The following SELENOO variants were observed in gnomAD, a reference collection of about 807,000 sequenced individuals.
SELENOO encodes selenoprotein O.
Under a neutral mutation model 58.7 loss-of-function variants are expected in SELENOO, and 74 were observed. The observed-to-expected ratio is 1.26, with a 90% CI of 1.04 to 1.53. The LOEUF (loss-of-function observed/expected upper bound fraction) is 1.53, where lower values mean the gene tolerates loss of function less well. SELENOO is among the 40% of genes most tolerant of loss of function. The pLI, the probability that SELENOO is intolerant of heterozygous loss-of-function variation, is 0.00. For synonymous variants in SELENOO, 543 were observed against 453.2 expected (o/e 1.20, Z -2.52); for missense variants, 1,149 against 970.0 (o/e 1.18, Z -2.45).
intron 5 of SELENOO, among the ~76,000 whole-genome samples, chr22:50,212,356 T>G (rs761543843): frequency 9.9e-5 from 15 of 152,240 alleles, no homozygotes; most frequent in Non-Finnish European, 1.9e-4. Context: ...TGAGTCAGTT[T>G]TGGTAATTTA....
intron 1 of SELENOO, among the ~76,000 whole-genome samples, chr22:50,202,000 A>T (rs910022259): frequency 3.3e-5 from 5 of 151,890 alleles, no homozygotes; most frequent in African/African-American, 1.2e-4. Context: ...GCCCTTTTTA[A>T]CCCCGAAGTG....
In SELENOO at chr22:50,215,824, C is replaced by T. The variant is rs201312273; in HGVS notation, c.1459C>T (p.Leu487=). ...LARLMEQCAS[L]EELRLAFRPQ... is the part of the protein sequence containing the mutation. The stretch of plus-strand genomic sequence containing the variant: ...CAGGCTGATGGAGCAGTGTGCCTCC[C>T]TGGAGGAGCTGAGGCTGGCCTTCCG... The change falls in exon 6 of 9, where the codon CTG becomes TTG. Residue 487 remains leucine, a synonymous_variant. Coordinates refer to ENST00000380903, the MANE Select transcript of SELENOO (RefSeq NM_031454.2). The T allele has an allele frequency of 2.5e-5, 41 of 1,612,122 alleles. No homozygotes were observed. In the African/African-American group the frequency reaches 3.2e-4, roughly 13 times the overall value.
At chr22:50,214,222 G>C (rs1376331338) in intron 5 of SELENOO, among the ~76,000 whole-genome samples, 1 of 152,142 alleles carries the variant, frequency 6.6e-6, no homozygotes, top group Non-Finnish European at 1.5e-5. Flanking sequence ...GCTCACTGCA[G>C]CCTCCACTTC....
Position 50,217,001 on chromosome 22 carries a change from C to G in SELENOO, c.1718C>G (p.Ala573Gly). 1 of 1,611,328 alleles carries G rather than the reference C, an allele frequency of 6.2e-7. No homozygotes were observed. The highest frequency in any genetic ancestry group is 8.5e-7 in the Non-Finnish European group (1 of 1,179,678). ...CGGCTGGACAAGGACCTGGAAGGCG[C>G]TGGGGACGCTGCCGCCTGGCAGGCT... ...RARLDKDLEG[A>G]GDAAAWQAEH... is the part of the protein sequence containing the mutation. Residue 573 changes from alanine to glycine, a missense_variant, in exon 8 of 9, where the codon GCT becomes GGT. Transcript: ENST00000380903.
intron 1 of SELENOO, chr22:50,205,718 T>C (rs1446034698): frequency 6.5e-6 from 1 of 153,312 alleles, no homozygotes; most frequent in Non-Finnish European, 1.5e-5. Context: ...TCGGCAGTTC[T>C]GCAGGACATG....
chr22:50,217,067 T>C lies in SELENOO; in HGVS notation c.1784T>C (p.Val595Ala). The change falls in exon 8 of 9, where the codon GTG becomes GCG. Residue 595 changes from valine to alanine, a missense_variant. Coordinates refer to ENST00000380903, the MANE Select transcript of SELENOO (RefSeq NM_031454.2). Reference sequence around the variant, plus strand: ...ATGCACGCCAACAACCCGAAGTACGTGCTGAGGAACTACATCGCGCAGAAT... The same window carrying C: ...ATGCACGCCAACAACCCGAAGTACGCGCTGAGGAACTACATCGCGCAGAAT... ...RVMHANNPKY[V>A]LRNYIAQNAI... 6.2e-7 allele frequency: 1 copy of C among 1,612,866 alleles called. No homozygotes were observed. The highest frequency in any genetic ancestry group is 2.2e-5 in the East Asian group (1 of 44,878).
At position 50,217,359 on chromosome 22, in the gene SELENOO, G is replaced by A; in HGVS notation, c.2000G>A (p.Sec667Ter). The A allele has an allele frequency of 1.9e-6, 3 of 1,612,758 alleles. No homozygotes were observed. The highest frequency in any genetic ancestry group is 1.7e-6 in the Non-Finnish European group (2 of 1,179,896). The change falls in exon 9 of 9, where the codon TGA (selenocysteine) becomes TAA (stop). Residue 667 changes from selenocysteine to a stop codon, truncating the protein, a stop_gained. Coordinates refer to ENST00000380903, the MANE Select transcript of SELENOO (RefSeq NM_031454.2). LOFTEE classifies it high-confidence loss of function. ...TGGGCAGCAGAACTGTGCGTGACATGATCTTCGTAACGGCCTCGGCACGCT... is the reference window on the plus strand; with the variant it reads ...TGGGCAGCAGAACTGTGCGTGACATAATCTTCGTAACGGCCTCGGCACGCT... ...PLWAAELCVT[U>*]SS
chr22:50,217,202 C>G lies in SELENOO; in HGVS notation c.1846-3C>G. On this transcript the variant is annotated splice_polypyrimidine_tract_variant and splice_region_variant and intron_variant, in intron 8 of 8. Coordinates refer to ENST00000380903, the MANE Select transcript of SELENOO (RefSeq NM_031454.2). Reference sequence around the variant, plus strand: ...GACCCCTCTCACCCTCCTGATCCTCCAGGTGCGGCGGGTGCTGAAACTACT... The same window carrying G: ...GACCCCTCTCACCCTCCTGATCCTCGAGGTGCGGCGGGTGCTGAAACTACT... The G allele has an allele frequency of 6.2e-7, 1 of 1,612,084 alleles. No homozygotes were observed. Among genetic ancestry groups the G allele is most frequent in the Non-Finnish European group, 8.5e-7 (1 of 1,179,270 alleles).
At position 50,208,746 on chromosome 22, in the gene SELENOO, C is replaced by T. The variant is rs369748587; in HGVS notation, c.939+30C>T. ...GTGGGCCGCACGCCACCCCTCCCTGCGGGTGGATGCTGGGTGTCCCCACCT... is the reference window on the plus strand; with the variant it reads ...GTGGGCCGCACGCCACCCCTCCCTGTGGGTGGATGCTGGGTGTCCCCACCT... On this transcript the variant is annotated intron_variant, in intron 3 of 8. Coordinates refer to ENST00000380903, the MANE Select transcript of SELENOO (RefSeq NM_031454.2). 37 of 1,591,198 alleles carry T rather than the reference C, an allele frequency of 2.3e-5. No individual in the cohort carries two copies. The Middle Eastern group carries it at 5.0e-4, about 21-fold the overall frequency.
rs138848753 is a variant in SELENOO at position 50,212,665 on chromosome 22, G to C, written c.1351+1754G>C. ...CACTCCGCTCCGAGTCTGTGAACCTGACTGCTCTAAACCCTTCATGTAAGT... is the reference window on the plus strand; with the variant it reads ...CACTCCGCTCCGAGTCTGTGAACCTCACTGCTCTAAACCCTTCATGTAAGT... On this transcript the variant is annotated intron_variant, in intron 5 of 8. Coordinates refer to ENST00000380903, the MANE Select transcript of SELENOO (RefSeq NM_031454.2). 5.3e-5 allele frequency among the ~76,000 whole-genome samples: 8 copies of C among 150,242 alleles called. No individual in the cohort carries two copies. In the East Asian group the frequency reaches 1.6e-3, roughly 29 times the overall value.
In SELENOO at chr22:50,201,296, C is replaced by G. The variant is rs1485591090; in HGVS notation, c.260C>G (p.Pro87Arg). The change falls in exon 1 of 9, where the codon CCC becomes CGC. Residue 87 changes from proline to arginine, a missense_variant. Coordinates refer to ENST00000380903, the MANE Select transcript of SELENOO (RefSeq NM_031454.2). ...VPGACFTRVQ[P>R]TPLRQPRLVA... is the part of the protein sequence containing the mutation. ...GGGGCCTGCTTCACCCGCGTGCAGC[C>G]CACCCCGCTGCGGCAGCCGCGCCTC... The G allele has an allele frequency of 5.5e-6, 6 of 1,096,174 alleles. No individual in the cohort carries two copies. In the Admixed American group the frequency reaches 1.5e-4, roughly 28 times the overall value. The allele number at this position is 1,096,174 out of a possible 1,614,324, so 67.9% of individuals were successfully genotyped here. A position where few individuals can be genotyped will look rare whatever the true frequency, so the allele number is the denominator to read the frequency against.
chr22:50,209,754 G>A (rs191761386), intron 3 of SELENOO, among the ~76,000 whole-genome samples: 7 of 152,214 alleles, frequency 4.6e-5, no homozygotes, highest in African/African-American at 1.4e-4. Flanking sequence ...TATTCTCAAG[G>A]TTACCGGTGC....
At chr22:50,205,825 C>T (rs1017131376) in intron 1 of SELENOO, 3 of 169,206 alleles carry the variant, frequency 1.8e-5, no homozygotes, top group Non-Finnish European at 3.8e-5. Flanking sequence ...CTGTCGGAGC[C>T]TCGGGCGGGT....
At chr22:50,215,953 CAG>C in intron 6 of SELENOO, 86 bp downstream of exon 6, 1 of 1,293,092 alleles carries the variant, frequency 7.7e-7, no homozygotes, top group Non-Finnish European at 1.1e-6. Context: ...AAGCTAGAGA[CAG>C]AGCTGGCTGG....
At position 50,217,048 on chromosome 22, in the gene SELENOO, G is replaced by A. The variant is rs570812157; in HGVS notation, c.1765G>A (p.Ala589Thr). The A allele has an allele frequency of 6.9e-5, 112 of 1,612,506 alleles. No individual in the cohort carries two copies. The highest frequency in any genetic ancestry group is 4.1e-4 in the South Asian group (37 of 91,092). Residue 589 changes from alanine to threonine, a missense_variant, in exon 8 of 9, where the codon GCC becomes ACC. Coordinates refer to ENST00000380903, the MANE Select transcript of SELENOO (RefSeq NM_031454.2). ...WQAEHVRVMH[A>T]NNPKYVLRNY... is the part of the protein sequence containing the mutation. ...GGCTGAGCACGTGCGCGTGATGCAC[G>A]CCAACAACCCGAAGTACGTGCTGAG...
At chr22:50,207,637 C>T (rs534180360) in intron 2 of SELENOO, among the ~76,000 whole-genome samples, 10 of 150,986 alleles carry the variant, frequency 6.6e-5, no homozygotes, top group East Asian at 2.0e-4. Flanking sequence ...CCCCGCCCAG[C>T]GGCAATGCTG....
chr22:50,204,824 G>A (rs1378438500), intron 1 of SELENOO, among the ~76,000 whole-genome samples: 1 of 152,212 alleles, frequency 6.6e-6, no homozygotes, highest in African/African-American at 2.4e-5. Context: ...TTTGTATACC[G>A]ATATTCATGG....
rs774020716 is a variant in SELENOO at position 50,216,690 on chromosome 22, G to A, written c.1503-1G>A. 14 of 1,584,844 alleles carry A rather than the reference G, an allele frequency of 8.8e-6. No individual in the cohort carries two copies. Among genetic ancestry groups the A allele is most frequent in the Non-Finnish European group, 1.1e-5 (13 of 1,169,772 alleles). On this transcript the variant is annotated splice_acceptor_variant, in intron 6 of 8. Transcript: ENST00000380903. LOFTEE classifies it high-confidence loss of function. ...TCCCAGACACCCTGGCCTCTCCACA[G>A]GCAGCTATCCATGATGCTGATGCTG...
intron 1 of SELENOO, among the ~76,000 whole-genome samples, chr22:50,204,797 A>G (rs1400360576): frequency 2.0e-5 from 3 of 152,266 alleles, no homozygotes; most frequent in Non-Finnish European, 4.4e-5. Flanking sequence ...TATATCCCCA[A>G]GAGCAGGATC....
Sources: allele counts gnomAD v4.1 joint callset (sites outside exome capture counted in the v4.1 genomes callset), GRCh38; gene constraint gnomAD v4.1.1; transcripts MANE v1.5; gene names NCBI Gene and HGNC (gene_info 2026-07-23, HGNC 2026-07-21).